The following NUP155 variants were observed in gnomAD, a reference collection of about 807,000 sequenced individuals.
The protein encoded by NUP155 is nuclear pore complex protein Nup155.
NUP155 carries 71 observed loss-of-function variants against 180.4 expected under a neutral mutation model. The observed-to-expected ratio is 0.39, with a 90% CI of 0.33 to 0.48. The LOEUF is 0.48. Ranked by LOEUF, NUP155 falls within the 20% of genes least tolerant of loss-of-function variation. NUP155 has a pLI of 0.91. For synonymous variants in NUP155, 582 were observed against 559.5 expected (o/e 1.04, Z -0.57); for missense variants, 1,553 against 1,648.9 (o/e 0.94, Z 1.01).
chr5:37,364,785 C>T (rs1473767266), intron 1 of NUP155, among the ~76,000 whole-genome samples: 7 of 151,682 alleles, frequency 4.6e-5, no homozygotes, highest in African/African-American at 1.2e-4. Context: ...TACAGGCGTC[C>T]GCCACCACAC....
chr5:37,340,644 A>G (rs1745653516), intron 11 of NUP155, among the ~76,000 whole-genome samples: 2 of 152,204 alleles, frequency 1.3e-5, no homozygotes, highest in South Asian at 2.1e-4. Flanking sequence ...TGGGGGATAT[A>G]ATAGTCTTTT....
At chr5:37,333,352 TC>T in intron 13 of NUP155, 110 bp downstream of exon 13, 1 of 1,004,228 alleles carries the variant, frequency 1.0e-6, no homozygotes. Context: ...AGACTCCGTC[TC>T]AAAAAAAAAA....
intron 22 of NUP155, among the ~76,000 whole-genome samples, chr5:37,313,788 G>A (rs933664981): frequency 3.9e-5 from 6 of 152,110 alleles, no homozygotes; most frequent in African/African-American, 1.2e-4. Context: ...CAGGCGTGAG[G>A]CATGGTGCCC....
intron 10 of NUP155, among the ~76,000 whole-genome samples, chr5:37,342,033 G>GT (rs1029021974): frequency 8.5e-5 from 13 of 152,108 alleles, no homozygotes; most frequent in Admixed American, 3.3e-4. Context: ...CTTGGCTTTT[G>GT]TTTTGCTTTT....
chr5:37,328,284 C>A (rs1744736157), intron 17 of NUP155, 74 bp downstream of exon 17: 13 of 1,088,948 alleles, frequency 1.2e-5, no homozygotes, highest in Non-Finnish European at 1.8e-5. Context: ...ATCTTTTTCA[C>A]ACTAAGCATT....
chr5:37,365,711 G>GGAAAAA lies in NUP155; in HGVS notation c.158-1328_158-1327insTTTTTC, dbSNP rs1491216296. Among the ~76,000 whole-genome samples the GGAAAAA allele has an allele frequency of 7.1e-3, 242 of 34,014 alleles. 94 individuals are homozygous for GGAAAAA. Among genetic ancestry groups the GGAAAAA allele is most frequent in the East Asian group, 0.011 (12 of 1,098 alleles). 22.3% of individuals were successfully genotyped at this position (34,014 alleles called of 152,430 possible). A position where few individuals can be genotyped will look rare whatever the true frequency, so the allele number is the denominator to read the frequency against. On this transcript the variant is annotated intron_variant, in intron 1 of 34. Transcript: ENST00000231498. ...TGACAGAGCAAGACTCTGTCTCGGGGAGAAAAAAAAAAAAAAAAAAAAAAA... is the reference window on the plus strand; with the variant it reads ...TGACAGAGCAAGACTCTGTCTCGGGGGAAAAAAGAAAAAAAAAAAAAAAAAAAAAAA...
intron 13 of NUP155, among the ~76,000 whole-genome samples, chr5:37,332,168 CAA>C (rs11305356): frequency 0.13 from 12,640 of 100,224 alleles, 1,558 homozygotes; most frequent in African/African-American, 0.37. Flanking sequence ...TCAATTTAGG[CAA>C]AAAAAAAAAA....
intron 20 of NUP155, among the ~76,000 whole-genome samples, chr5:37,319,039 C>T (rs1268865703): frequency 2.6e-5 from 4 of 152,172 alleles, no homozygotes; most frequent in African/African-American, 9.7e-5. Context: ...ATACATCCTA[C>T]CACATAAATC....
At chr5:37,330,207 A>G in intron 14 of NUP155, 75 bp from the exon 15 acceptor site, 1 of 1,008,122 alleles carries the variant, frequency 9.9e-7, no homozygotes. Flanking sequence ...TAGATGCAGT[A>G]TTAAAGTCTG....
chr5:37,336,260 C>T (rs539158753), intron 12 of NUP155, among the ~76,000 whole-genome samples: 251 of 152,102 alleles, frequency 1.7e-3, no homozygotes, highest in Non-Finnish European at 2.7e-3. Context: ...GTGGGAGGAT[C>T]GCTTGAGCCC....
chr5:37,367,210 A>C (rs1747649083), intron 1 of NUP155, among the ~76,000 whole-genome samples: 1 of 151,510 alleles, frequency 6.6e-6, no homozygotes, highest in South Asian at 2.1e-4. Context: ...ATGCCTAGCT[A>C]ATTTTTTTTT....
chr5:37,365,914 G>A (rs558074024), intron 1 of NUP155, among the ~76,000 whole-genome samples: 17 of 151,510 alleles, frequency 1.1e-4, no homozygotes, highest in African/African-American at 2.9e-4. Flanking sequence ...GGGCTCAAAG[G>A]TAAAATGACT....
chr5:37,348,397 C>G, intron 9 of NUP155, 108 bp downstream of exon 9: 1 of 791,242 alleles, frequency 1.3e-6, no homozygotes, highest in Admixed American at 1.8e-5. Flanking sequence ...CATTCCTTGT[C>G]TTTTAGAGAC....
intron 9 of NUP155, among the ~76,000 whole-genome samples, chr5:37,344,319 G>A (rs1193063544): frequency 6.8e-6 from 1 of 147,676 alleles, no homozygotes; most frequent in Non-Finnish European, 1.5e-5. Flanking sequence ...TCCAGACTGG[G>A]TGACAGAGCA....
intron 23 of NUP155, 106 bp from the exon 24 acceptor site, chr5:37,309,373 C>A: frequency 0.016 from 11,617 of 746,996 alleles, no homozygotes; most frequent in East Asian, 0.025. Context: ...TGGTTATTAC[C>A]ATTAAAATGA....
In NUP155 at chr5:37,314,448, CA is replaced by C. The variant is rs1270361890; in HGVS notation, c.2306-121del. On this transcript the variant is annotated intron_variant, in intron 21 of 34. Coordinates refer to ENST00000231498, the MANE Select transcript of NUP155 (RefSeq NM_153485.3). ...TTTTCTTCCTAGCCCCCATTACAGG[CA>C]ACCATGATAATCAGTAGTATTTATG... 58 of 714,476 alleles carry C rather than the reference CA, an allele frequency of 8.1e-5. 1 individual carries two copies. In the East Asian group the frequency reaches 1.6e-3, roughly 19 times the overall value. The allele number at this position is 714,476 out of a possible 1,614,324, so 44.3% of individuals were successfully genotyped here. A position where few individuals can be genotyped will look rare whatever the true frequency, so the allele number is the denominator to read the frequency against.
At chr5:37,349,393 T>C (rs1250544756) in intron 7 of NUP155, 148 bp from the exon 8 acceptor site, 4 of 337,866 alleles carry the variant, frequency 1.2e-5, no homozygotes, top group Non-Finnish European at 2.2e-5. Context: ...AATCCTAGGA[T>C]GTTTGCATAA....
chr5:37,324,575 G>A (rs1468421955), intron 19 of NUP155, among the ~76,000 whole-genome samples: 1 of 143,652 alleles, frequency 7.0e-6, no homozygotes, highest in East Asian at 2.0e-4. Flanking sequence ...TTTTTTTTTT[G>A]AGAGACAGCG....
chr5:37,349,269 AAG>A (rs1305980906), intron 7 of NUP155, 24 bp from the exon 8 acceptor site: 6 of 737,318 alleles, frequency 8.1e-6, no homozygotes, highest in Admixed American at 6.2e-5. Context: ...AAAAAAAAAA[AAG>A]AGAAAAAAGT....
Sources: gnomAD v4.1 joint callset for allele counts (sites outside exome capture counted in the v4.1 genomes callset) on GRCh38, gnomAD v4.1.1 for gene constraint, MANE v1.5 for transcripts, NCBI Gene and HGNC (gene_info 2026-07-23, HGNC 2026-07-21) for gene names.